DAB1: variants seen among roughly 807,000 people sequenced by gnomAD.
DAB1 encodes the protein DAB adaptor protein 1.
A neutral mutation model predicts 64.6 loss-of-function variants in DAB1; 15 were observed. The ratio of observed to expected loss-of-function variants is 0.23; its 90% CI spans 0.16 to 0.36. The LOEUF (loss-of-function observed/expected upper bound fraction) is 0.36. Ranked by LOEUF, DAB1 falls within the 10% of genes least tolerant of loss-of-function variation. The probability of loss-of-function intolerance (pLI) is 1.00; values close to 1 mark genes in which losing one functional copy is unlikely to be tolerated. For synonymous variants in DAB1, 235 were observed against 251.9 expected (o/e 0.93, Z 0.64); for missense variants, 596 against 706.7 (o/e 0.84, Z 1.78).
At chr1:58,539,104 A>T (rs1646563199) in intron 1 of DAB1, 1 of 872,988 alleles carries the variant, frequency 1.1e-6, no homozygotes, top group South Asian at 1.3e-5. Context: ...GTTTCCAGGC[A>T]GAAAACTCCA....
At chr1:57,438,634 GGTCACAGCCCATGACATCT>G (rs1247422153) in intron 7 of DAB1, among the ~76,000 whole-genome samples, 6 of 152,084 alleles carry the variant, frequency 3.9e-5, no homozygotes, top group African/African-American at 1.4e-4. Flanking sequence ...ACTTGCTCAG[GGTCACAGCCCATGACATCT>G]GTCTGTCCTG....
intron 7 of DAB1, among the ~76,000 whole-genome samples, chr1:57,457,729 T>C (rs1000584438): frequency 2.0e-5 from 3 of 151,952 alleles, no homozygotes; most frequent in Admixed American, 6.6e-5. Flanking sequence ...AGAGCAGAGA[T>C]GTGAAAACTC....
chr1:57,087,398 A>G (rs1653194188), intron 4 of DAB1, among the ~76,000 whole-genome samples: 1 of 152,246 alleles, frequency 6.6e-6, no homozygotes, highest in Admixed American at 6.5e-5. Flanking sequence ...TTCACAAGAA[A>G]TAAGGAGTCA....
chr1:57,284,287 T>TCACA (rs1672137721), intron 2 of DAB1, among the ~76,000 whole-genome samples: 1 of 152,144 alleles, frequency 6.6e-6, no homozygotes, highest in South Asian at 2.1e-4. Context: ...CCCTCCCAGC[T>TCACA]CACAGTTCTT....
At chr1:58,492,786 C>T (rs530361718) in intron 3 of DAB1, among the ~76,000 whole-genome samples, 2 of 152,200 alleles carry the variant, frequency 1.3e-5, no homozygotes, top group Non-Finnish European at 2.9e-5. Context: ...AGCTTACCAA[C>T]CAAAAAAAGT....
intron 6 of DAB1, among the ~76,000 whole-genome samples, chr1:57,777,205 C>G (rs78503588): frequency 3.7e-5 from 4 of 107,930 alleles, no homozygotes; most frequent in Admixed American, 3.1e-4. Flanking sequence ...TTCCTCTATA[C>G]TTAATGTACC....
chr1:57,864,193 G>T (rs1006384135), intron 1 of DAB1, among the ~76,000 whole-genome samples: 2 of 152,202 alleles, frequency 1.3e-5, no homozygotes, highest in Non-Finnish European at 2.9e-5. Flanking sequence ...TGTGTCATGT[G>T]GATGTTGGGG....
At chr1:58,161,259 A>G (rs1016646369) in intron 4 of DAB1, among the ~76,000 whole-genome samples, 2 of 152,232 alleles carry the variant, frequency 1.3e-5, no homozygotes, top group Non-Finnish European at 2.9e-5. Flanking sequence ...CGCAAGTTCA[A>G]TTGAGAGTAA....
chr1:57,402,078 GAGAC>G (rs991706459), intron 1 of DAB1, among the ~76,000 whole-genome samples: 1 of 152,164 alleles, frequency 6.6e-6, no homozygotes, highest in African/African-American at 2.4e-5. Flanking sequence ...TAAAAAAAGA[GAGAC>G]AGAGATAAAG....
intron 7 of DAB1, among the ~76,000 whole-genome samples, chr1:57,521,806 T>C (rs1644530069): frequency 6.6e-6 from 1 of 152,068 alleles, no homozygotes; most frequent in Admixed American, 6.5e-5. Context: ...AGAGGGGGTA[T>C]CAAAGAGAAA....
chr1:58,482,142 C>T (rs1342245676), intron 3 of DAB1, among the ~76,000 whole-genome samples: 2 of 152,152 alleles, frequency 1.3e-5, no homozygotes, highest in Non-Finnish European at 2.9e-5. Context: ...CCAAAAAGTA[C>T]AATTTCATCA....
At chr1:58,229,643 A>G (rs893122253) in intron 4 of DAB1, among the ~76,000 whole-genome samples, 2 of 152,204 alleles carry the variant, frequency 1.3e-5, no homozygotes, top group African/African-American at 4.8e-5. Context: ...AGAGAGTACC[A>G]AGGCAAAGAA....
At chr1:57,082,297 G>A (rs1242877385) in intron 4 of DAB1, among the ~76,000 whole-genome samples, 1 of 152,112 alleles carries the variant, frequency 6.6e-6, no homozygotes, top group Non-Finnish European at 1.5e-5. Context: ...AAGGTACTGA[G>A]CACTTCAATG....
At chr1:57,488,358 TG>T (rs1644119200) in intron 7 of DAB1, among the ~76,000 whole-genome samples, 2 of 140,502 alleles carry the variant, frequency 1.4e-5, no homozygotes, top group Admixed American at 1.6e-4. Flanking sequence ...GCCAAGATCG[TG>T]CCACTGCACT....
intron 4 of DAB1, among the ~76,000 whole-genome samples, chr1:58,216,906 T>C (rs946255367): frequency 2.0e-5 from 3 of 152,132 alleles, no homozygotes; most frequent in African/African-American, 4.8e-5. Flanking sequence ...CAGGGAAAAA[T>C]CAGAAGGCTT....
intron 3 of DAB1, among the ~76,000 whole-genome samples, chr1:58,448,726 T>G (rs746567906): frequency 8.5e-5 from 13 of 152,136 alleles, no homozygotes; most frequent in Non-Finnish European, 1.5e-4. Flanking sequence ...CATTAATGTC[T>G]CAGAAATAAG....
chr1:57,458,812 AT>A (rs1402558727), intron 7 of DAB1, among the ~76,000 whole-genome samples: 1 of 152,102 alleles, frequency 6.6e-6, no homozygotes, highest in African/African-American at 2.4e-5. Flanking sequence ...GCTGAACAAG[AT>A]TAAAATTTAG....
At chr1:57,883,484 T>A (rs1644176708) in intron 1 of DAB1, among the ~76,000 whole-genome samples, 1 of 152,070 alleles carries the variant, frequency 6.6e-6, no homozygotes, top group African/African-American at 2.4e-5. Flanking sequence ...CAACCCAGAG[T>A]GCCTGGTGCT....
At chr1:57,996,180 A>C (rs1381026076) in intron 5 of DAB1, among the ~76,000 whole-genome samples, 2 of 152,022 alleles carry the variant, frequency 1.3e-5, no homozygotes, top group Non-Finnish European at 2.9e-5. Flanking sequence ...AATCTCTGGA[A>C]CCCGGGAGGC....
Sources: allele counts gnomAD v4.1 joint callset (sites outside exome capture counted in the v4.1 genomes callset), GRCh38; gene constraint gnomAD v4.1.1; transcripts MANE v1.5; gene names NCBI Gene and HGNC (gene_info 2026-07-23, HGNC 2026-07-21).